The following CDK19 variants were observed in gnomAD, a reference collection of about 807,000 sequenced individuals.
The protein encoded by CDK19 is cyclin-dependent kinase 19.
CDK19 carries 20 observed loss-of-function variants against 68.3 expected under a neutral mutation model. The ratio of observed to expected loss-of-function variants is 0.29; its 90% CI spans 0.21 to 0.43. CDK19 has a LOEUF of 0.43. Among genes scored for constraint, CDK19 ranks in the 20% least tolerant of loss-of-function variants. The pLI, the probability that CDK19 is intolerant of heterozygous loss-of-function variation, is 1.00. For missense variants in CDK19, 339 were observed against 623.5 expected (o/e 0.54, Z 4.86); for synonymous variants, 221 against 222.8 (o/e 0.99, Z 0.07).
At chr6:110,815,655 C>G (rs985000540), upstream of CDK19, 1 of 152,924 alleles carries the variant, frequency 6.5e-6, no homozygotes, top group Middle Eastern at 3.1e-3. Flanking sequence ...CGCACGGCTC[C>G]CGGTTCCTGT....
chr6:110,795,418 C>T (rs966875154), intron 1 of CDK19, among the ~76,000 whole-genome samples: 1 of 152,176 alleles, frequency 6.6e-6, no homozygotes, highest in African/African-American at 2.4e-5. Context: ...CTGGTAAGAT[C>T]TTTAGCTCAG....
At chr6:110,645,389 C>CTTTGTATGTT (rs1484189374) in intron 4 of CDK19, among the ~76,000 whole-genome samples, 2 of 152,054 alleles carry the variant, frequency 1.3e-5, no homozygotes, top group African/African-American at 4.8e-5. Flanking sequence ...TCTACAAAAA[C>CTTTGTATGTT]TTTGTGGAAG....
chr6:110,725,008 G>C (rs1304256879), intron 2 of CDK19, among the ~76,000 whole-genome samples: 1 of 152,092 alleles, frequency 6.6e-6, no homozygotes, highest in Admixed American at 6.6e-5. Flanking sequence ...GTCTCCAACT[G>C]ATACCTACTA....
chr6:110,631,972 C>A, intron 6 of CDK19, 58 bp downstream of exon 6: 3 of 1,479,050 alleles, frequency 2.0e-6, no homozygotes, highest in East Asian at 2.3e-5. Flanking sequence ...ATTATTATAC[C>A]ATTTTATATT....
At position 110,613,878 on chromosome 6, in the gene CDK19, G is replaced by A. The variant is rs1187171830; in HGVS notation, c.*657C>T. ...AAATTACCACATACTTCAGTTCTTC[G>A]TGGCATAAAGCACATAACTGCAAAG... is the stretch of plus-strand genomic sequence containing the variant. On this transcript the variant is annotated 3_prime_UTR_variant, in exon 13 of 13. Transcript: ENST00000368911. 8.5e-5 allele frequency: 13 copies of A among 152,558 alleles called. No homozygotes were observed. Among genetic ancestry groups the A allele is most frequent in the South Asian group, 6.2e-4 (3 of 4,828 alleles). 9.5% of individuals were successfully genotyped at this position (152,558 alleles called of 1,614,324 possible).
chr6:110,793,199 A>C (rs973382102), intron 1 of CDK19, among the ~76,000 whole-genome samples: 5 of 152,218 alleles, frequency 3.3e-5, no homozygotes, highest in African/African-American at 1.2e-4. Flanking sequence ...CAAATCATTT[A>C]GTCCCCAAAA....
intron 2 of CDK19, among the ~76,000 whole-genome samples, chr6:110,720,421 A>ATGTGTTG (rs1775774428): frequency 1.3e-5 from 2 of 152,158 alleles, no homozygotes; most frequent in Non-Finnish European, 2.9e-5. Context: ...CAGGTACTCA[A>ATGTGTTG]TCAGTTTTGC....
chr6:110,638,547 T>C, intron 5 of CDK19, 102 bp downstream of exon 5: 1 of 690,686 alleles, frequency 1.4e-6, no homozygotes, highest in Non-Finnish European at 2.6e-6. Flanking sequence ...AATGAGAAAG[T>C]AATTTTAAAA....
chr6:110,628,234 G>T (rs551907794), intron 6 of CDK19, among the ~76,000 whole-genome samples: 12 of 151,918 alleles, frequency 7.9e-5, no homozygotes, highest in African/African-American at 2.9e-4. Flanking sequence ...AAAAAACTAT[G>T]GTATAGCATA....
chr6:110,742,257 T>C (rs981769375), intron 2 of CDK19, among the ~76,000 whole-genome samples: 1 of 152,214 alleles, frequency 6.6e-6, no homozygotes, highest in African/African-American at 2.4e-5. Flanking sequence ...AACATAATTG[T>C]GAAGATTTCA....
At chr6:110,626,715 C>T (rs974046393) in intron 8 of CDK19, 61 bp downstream of exon 8, 2 of 984,786 alleles carry the variant, frequency 2.0e-6, no homozygotes, top group Admixed American at 2.4e-5. Context: ...TATAAATTAC[C>T]CAGTCTAAGG....
chr6:110,804,782 C>T (rs539260349), intron 1 of CDK19, among the ~76,000 whole-genome samples: 3 of 150,836 alleles, frequency 2.0e-5, no homozygotes, highest in Non-Finnish European at 4.4e-5. Context: ...GGTGAAACCC[C>T]GTCGCTACTA....
chr6:110,656,475 T>C (rs1442051390), intron 4 of CDK19, among the ~76,000 whole-genome samples: 1 of 152,254 alleles, frequency 6.6e-6, no homozygotes, highest in African/African-American at 2.4e-5. Flanking sequence ...TAAAATGTTA[T>C]TTCTAATGAA....
intron 2 of CDK19, among the ~76,000 whole-genome samples, chr6:110,743,736 A>T (rs116353667): frequency 0.019 from 2,936 of 152,242 alleles, 89 homozygotes; most frequent in African/African-American, 0.068. Flanking sequence ...ATGCCCATGG[A>T]TTCCCTGGCA....
intron 4 of CDK19, among the ~76,000 whole-genome samples, chr6:110,664,709 C>T (rs891959910): frequency 5.9e-5 from 9 of 152,002 alleles, no homozygotes; most frequent in East Asian, 5.8e-4. Context: ...TCACAGGCTA[C>T]GAGATGTTCT....
chr6:110,699,995 G>C (rs1773857932), intron 2 of CDK19, among the ~76,000 whole-genome samples: 1 of 152,214 alleles, frequency 6.6e-6, no homozygotes, highest in Admixed American at 6.5e-5. Context: ...AGCTTCATCT[G>C]TATTTACAGC....
At chr6:110,623,698 A>G (rs1778861787) in intron 8 of CDK19, among the ~76,000 whole-genome samples, 1 of 150,838 alleles carries the variant, frequency 6.6e-6, no homozygotes, top group South Asian at 2.1e-4. Context: ...ATCAGGATAC[A>G]GGGATAAAAA....
chr6:110,772,941 C>T (rs573011962), intron 1 of CDK19, among the ~76,000 whole-genome samples: 2 of 148,588 alleles, frequency 1.3e-5, no homozygotes, highest in Non-Finnish European at 3.0e-5. Context: ...CATAGCAGGG[C>T]GTGGTGGCCA....
chr6:110,793,934 C>T (rs750494706), intron 1 of CDK19, among the ~76,000 whole-genome samples: 11 of 152,212 alleles, frequency 7.2e-5, no homozygotes, highest in Non-Finnish European at 1.0e-4. Flanking sequence ...CCTTTCATTA[C>T]AAGAGGAAAA....
Sources: allele counts gnomAD v4.1 joint callset (sites outside exome capture counted in the v4.1 genomes callset), GRCh38; gene constraint gnomAD v4.1.1; transcripts MANE v1.5; gene names NCBI Gene and HGNC (gene_info 2026-07-23, HGNC 2026-07-21).